The following GNG7 variants were observed in gnomAD, a reference collection of about 807,000 sequenced individuals.
The protein encoded by GNG7 is guanine nucleotide-binding protein G(I)/G(S)/G(O) subunit gamma-7.
Under a neutral mutation model 4.0 loss-of-function variants are expected in GNG7, and 1 was observed. That is an observed-to-expected ratio of 0.25 (90% CI 0.09 to 1.18). GNG7 has a LOEUF of 1.18. Ranked by LOEUF, GNG7 falls within the 50% of genes most tolerant of loss-of-function variation. The pLI is 0.50. For missense variants in GNG7, 86 were observed against 91.9 expected (o/e 0.94, Z 0.26); for synonymous variants, 34 against 36.9 (o/e 0.92, Z 0.29).
At chr19:2,677,806 C>T (rs1345855211) in intron 1 of GNG7, among the ~76,000 whole-genome samples, 5 of 149,834 alleles carry the variant, frequency 3.3e-5, no homozygotes, top group Non-Finnish European at 6.0e-5. Flanking sequence ...TGTCACAACT[C>T]GGGGTGTCCC....
chr19:2,605,947 C>T (rs1363375298), intron 2 of GNG7, among the ~76,000 whole-genome samples: 1 of 152,196 alleles, frequency 6.6e-6, no homozygotes, highest in Non-Finnish European at 1.5e-5. Flanking sequence ...TTCACAGGTT[C>T]CAGACATTTA....
At chr19:2,684,513 G>A (rs1267128926) in intron 1 of GNG7, among the ~76,000 whole-genome samples, 1 of 152,088 alleles carries the variant, frequency 6.6e-6, no homozygotes, top group African/African-American at 2.4e-5. Flanking sequence ...TCAACGTAGC[G>A]TGGTCCATAC....
chr19:2,593,014 AAAG>A (rs971347274), intron 2 of GNG7, among the ~76,000 whole-genome samples: 3 of 150,968 alleles, frequency 2.0e-5, no homozygotes, highest in African/African-American at 7.3e-5. Context: ...GAAGGGAAAA[AAAG>A]AAAGAAGAAA....
intron 3 of GNG7, among the ~76,000 whole-genome samples, chr19:2,529,458 T>TC (rs1352410273): frequency 6.6e-6 from 1 of 152,196 alleles, no homozygotes; most frequent in East Asian, 1.9e-4. Flanking sequence ...CCTCAGGTGA[T>TC]CCACCTGCCT....
chr19:2,614,158 G>C lies in GNG7; in HGVS notation c.-78+32066C>G, dbSNP rs1981655174. On this transcript the variant is annotated intron_variant, in intron 2 of 4. Transcript: ENST00000382159. The surrounding 1 kb of genome is among the most constrained non-coding windows in gnomAD (Gnocchi z 6.0). ...ACGGCACTGGGAGCAGACTCAAGAGGCTCGAGAGGTCCCAGGAGGGCGGGA... is the reference window on the plus strand; with the variant it reads ...ACGGCACTGGGAGCAGACTCAAGAGCCTCGAGAGGTCCCAGGAGGGCGGGA... 6.6e-6 allele frequency among the ~76,000 whole-genome samples: 1 copy of C among 152,174 alleles called. No homozygotes were observed. The highest frequency in any genetic ancestry group is 1.5e-5 in the Non-Finnish European group (1 of 68,022).
intron 2 of GNG7, among the ~76,000 whole-genome samples, chr19:2,579,663 G>A (rs546342930): frequency 3.5e-4 from 54 of 152,344 alleles, no homozygotes; most frequent in Non-Finnish European, 3.5e-4. Flanking sequence ...AGCTGCCGAC[G>A]GAAGGGGCTT....
At chr19:2,672,086 C>G (rs1032437251) in intron 1 of GNG7, among the ~76,000 whole-genome samples, 1 of 150,294 alleles carries the variant, frequency 6.7e-6, no homozygotes, top group African/African-American at 2.4e-5. Flanking sequence ...GTCTCGCTCT[C>G]TCACCCAGTG....
chr19:2,534,305 C>T (rs916074625), intron 3 of GNG7, among the ~76,000 whole-genome samples: 2 of 152,186 alleles, frequency 1.3e-5, no homozygotes, highest in African/African-American at 2.4e-5. Context: ...CAGTGGCCTC[C>T]GCTCCACTCC....
chr19:2,515,127 G>A lies in GNG7; in HGVS notation c.102C>T (p.Asp34=), dbSNP rs1426477471. The part of the protein sequence containing the change: ...ERIKVSKAAS[D]LMSYCEQHAR... Reference sequence around the variant, plus strand: ...CATGTTGCTCACAGTAGCTCATGAGGTCAGACGCCGCTTTGGAGACCTGTG... The same window carrying A: ...CATGTTGCTCACAGTAGCTCATGAGATCAGACGCCGCTTTGGAGACCTGTG... The change falls in exon 5 of 5, where the codon GAC becomes GAT. Residue 34 remains aspartate, a synonymous_variant. Transcript: ENST00000382159. 1.1e-5 allele frequency: 17 copies of A among 1,613,920 alleles called. No individual in the cohort carries two copies. Among genetic ancestry groups the A allele is most frequent in the Non-Finnish European group, 1.4e-5 (17 of 1,179,924 alleles).
At chr19:2,648,947 G>C (rs1468878894) in intron 1 of GNG7, among the ~76,000 whole-genome samples, 1 of 151,228 alleles carries the variant, frequency 6.6e-6, no homozygotes, top group African/African-American at 2.4e-5. Flanking sequence ...GGAGTGCAAT[G>C]GTGTAATCAC....
chr19:2,616,153 G>A (rs994767284), intron 2 of GNG7, among the ~76,000 whole-genome samples: 2 of 152,172 alleles, frequency 1.3e-5, no homozygotes, highest in African/African-American at 4.8e-5. Context: ...TCACACCTGT[G>A]ATCCCAGTGC....
chr19:2,525,775 G>A (rs1222053694), intron 3 of GNG7, among the ~76,000 whole-genome samples: 1 of 152,098 alleles, frequency 6.6e-6, no homozygotes. Flanking sequence ...ATTGCGTTAT[G>A]TGTAAGAGTG....
At position 2,514,962 on chromosome 19, in the gene GNG7, C is replaced by A. The variant is rs1972710303; in HGVS notation, c.*60G>T. The A allele has an allele frequency of 7.3e-7, 1 of 1,374,906 alleles. No individual in the cohort carries two copies. Among genetic ancestry groups the A allele is most frequent in the Middle Eastern group, 2.0e-4 (1 of 5,028 alleles). 85.2% of individuals were successfully genotyped at this position (1,374,906 alleles called of 1,614,324 possible). On this transcript the variant is annotated 3_prime_UTR_variant, in exon 5 of 5. Transcript: ENST00000382159. ...AATGATGCCCTGCCTGAGACAGAGACAGAGACAGAGAGAGAGAGAGAGAAA... is the reference window on the plus strand; with the variant it reads ...AATGATGCCCTGCCTGAGACAGAGAAAGAGACAGAGAGAGAGAGAGAGAAA...
At chr19:2,668,111 C>T (rs1022931974) in intron 1 of GNG7, among the ~76,000 whole-genome samples, 20 of 151,724 alleles carry the variant, frequency 1.3e-4, no homozygotes, top group African/African-American at 4.6e-4. Flanking sequence ...CGCACCATGC[C>T]ATTGGATGTG....
At chr19:2,529,826 G>A (rs1337058749) in intron 3 of GNG7, among the ~76,000 whole-genome samples, 1 of 152,154 alleles carries the variant, frequency 6.6e-6, no homozygotes, top group East Asian at 1.9e-4. Flanking sequence ...CCTGAAGAGG[G>A]ACCACACGGT....
chr19:2,588,591 C>T (rs988422826), intron 2 of GNG7, among the ~76,000 whole-genome samples: 4 of 152,186 alleles, frequency 2.6e-5, no homozygotes, highest in South Asian at 2.1e-4. Flanking sequence ...AGTCAGGGGC[C>T]GTATTTCTTA....
At chr19:2,574,516 G>A (rs138167182) in intron 2 of GNG7, among the ~76,000 whole-genome samples, 124 of 152,300 alleles carry the variant, frequency 8.1e-4, no homozygotes, top group African/African-American at 2.6e-3. Flanking sequence ...CTCACTGAGC[G>A]TGAGGTCCTC....
intron 2 of GNG7, among the ~76,000 whole-genome samples, chr19:2,641,236 G>A (rs1261206155): frequency 6.6e-6 from 1 of 152,144 alleles, no homozygotes; most frequent in Non-Finnish European, 1.5e-5. Context: ...GGAGGAAGTC[G>A]GCTCTGCTCA....
chr19:2,557,159 GACACGCGC>G lies in GNG7; in HGVS notation c.-77-1979_-77-1972del, dbSNP rs1455065896. 6.6e-6 allele frequency among the ~76,000 whole-genome samples: 1 copy of G among 150,778 alleles called. No individual in the cohort carries two copies. Among genetic ancestry groups the G allele is most frequent in the Non-Finnish European group, 1.5e-5 (1 of 67,810 alleles). ...GCACACTCACGCACATGCACACAAA[GACACGCGC>G]ACACACGTACACACAAGACACGTGC... On this transcript the variant is annotated intron_variant, in intron 2 of 4. Transcript: ENST00000382159. The surrounding 1 kb of genome is among the most constrained non-coding windows in gnomAD (Gnocchi z 5.1).
Sources: allele counts gnomAD v4.1 joint callset (sites outside exome capture counted in the v4.1 genomes callset), GRCh38; gene constraint gnomAD v4.1.1; non-coding constraint Gnocchi (gnomAD v3.1); transcripts MANE v1.5; gene names NCBI Gene and HGNC (gene_info 2026-07-23, HGNC 2026-07-21).